ATRNL1: variants seen among roughly 807,000 people sequenced by gnomAD.
The protein encoded by ATRNL1 is attractin-like protein 1.
A neutral mutation model predicts 182.7 loss-of-function variants in ATRNL1; 95 were observed. The observed-to-expected ratio is 0.52, with a 90% CI of 0.44 to 0.62. ATRNL1 has a LOEUF of 0.62. Among genes scored for constraint, ATRNL1 ranks in the 20% least tolerant of loss-of-function variants. The pLI, the probability that ATRNL1 is intolerant of heterozygous loss-of-function variation, is 0.00. For synonymous variants in ATRNL1, 576 were observed against 568.3 expected, an observed-to-expected ratio of 1.01 and a Z score of -0.19; for missense variants, 1,471 against 1,679.5, an observed-to-expected ratio of 0.88 and a Z score of 2.17.
In ATRNL1 at chr10:115,139,336, T is replaced by A. The variant is rs1156738669; in HGVS notation, c.829+9801T>A. Among the ~76,000 whole-genome samples the A allele has an allele frequency of 3.3e-5, 5 of 152,154 alleles. No individual in the cohort carries two copies. The East Asian group carries it at 9.6e-4, about 29-fold the overall frequency. ...GCGCTCCACTCTACTGGTACCAATT[T>A]ACTGTATTAGTCTGTTTTCACACTG... On this transcript the variant is annotated intron_variant, in intron 5 of 28. Coordinates refer to ENST00000355044, the MANE Select transcript of ATRNL1 (RefSeq NM_207303.4).
chr10:115,689,928 G>A (rs1946336838), intron 26 of ATRNL1, among the ~76,000 whole-genome samples: 1 of 152,164 alleles, frequency 6.6e-6, no homozygotes, highest in African/African-American at 2.4e-5. Context: ...GCCTCCAGTG[G>A]CAGCAGCAAT....
In ATRNL1 at chr10:115,742,817, T is replaced by G. The variant is rs77462855; in HGVS notation, c.3903+15462T>G. ...GCATGCAAATCTTCTCATATCACCT[T>G]GCTCAGAATTCCCCAATGGCTTCTC... On this transcript the variant is annotated intron_variant, in intron 27 of 28. Coordinates refer to ENST00000355044, the MANE Select transcript of ATRNL1 (RefSeq NM_207303.4). 2.9e-3 allele frequency among the ~76,000 whole-genome samples: 445 copies of G among 152,220 alleles called. 2 individuals carry two copies. The highest frequency in any genetic ancestry group is 0.01 in the African/African-American group (418 of 41,560).
At chr10:115,852,091 T>G (rs781940908) in intron 28 of ATRNL1, among the ~76,000 whole-genome samples, 1 of 152,172 alleles carries the variant, frequency 6.6e-6, no homozygotes. Flanking sequence ...TTGTGGATTC[T>G]TCCTAATGAG....
At chr10:115,271,757 T>C (rs1329602299) in intron 13 of ATRNL1, among the ~76,000 whole-genome samples, 10 of 152,172 alleles carry the variant, frequency 6.6e-5, no homozygotes, top group Non-Finnish European at 1.3e-4. Context: ...TCTTGAAGGG[T>C]CATTCTTCAT....
At chr10:115,249,886 A>G (rs561512337) in intron 10 of ATRNL1, among the ~76,000 whole-genome samples, 1 of 152,362 alleles carries the variant, frequency 6.6e-6, no homozygotes, top group Non-Finnish European at 1.5e-5. Flanking sequence ...AATATAAATT[A>G]TAGTCAGACA....
At position 115,503,180 on chromosome 10, in the gene ATRNL1, AT is replaced by A. The variant is rs566579416; in HGVS notation, c.3655-16081del. On this transcript the variant is annotated intron_variant, in intron 24 of 28. Transcript: ENST00000355044. ...AGGATACACATATGTAATAACCTTAATTAAAAAAATTAATTTTAGTTATTTT... is the reference window on the plus strand; with the variant it reads ...AGGATACACATATGTAATAACCTTAATAAAAAAATTAATTTTAGTTATTTT... Among the ~76,000 whole-genome samples the A allele has an allele frequency of 2.2e-3, 332 of 152,286 alleles. 3 individuals carry two copies. The highest frequency in any genetic ancestry group is 3.3e-3 in the Non-Finnish European group (224 of 68,008).
chr10:115,651,833 T>A (rs962116742), intron 26 of ATRNL1, among the ~76,000 whole-genome samples: 3 of 152,278 alleles, frequency 2.0e-5, no homozygotes, highest in South Asian at 4.1e-4. Flanking sequence ...TGGTTAGTGA[T>A]GAATTCATCA....
chr10:115,823,807 G>A (rs1372453684), intron 27 of ATRNL1, among the ~76,000 whole-genome samples: 1 of 152,174 alleles, frequency 6.6e-6, no homozygotes, highest in Non-Finnish European at 1.5e-5. Flanking sequence ...AACATTCCAT[G>A]CTCATGGATA....
chr10:115,648,914 G>T (rs1859807011), intron 26 of ATRNL1, among the ~76,000 whole-genome samples: 2 of 152,128 alleles, frequency 1.3e-5, no homozygotes, highest in African/African-American at 2.4e-5. Context: ...TCATTGCAAT[G>T]CAGAGTATTT....
chr10:115,385,964 T>C (rs536474107), intron 19 of ATRNL1, among the ~76,000 whole-genome samples: 2 of 152,302 alleles, frequency 1.3e-5, no homozygotes, highest in Non-Finnish European at 2.9e-5. Context: ...ATTGCTATGG[T>C]TTTAAAGCAC....
intron 15 of ATRNL1, among the ~76,000 whole-genome samples, chr10:115,299,007 G>T (rs1215308127): frequency 6.6e-6 from 1 of 151,646 alleles, no homozygotes; most frequent in Non-Finnish European, 1.5e-5. Flanking sequence ...ATAAATACTG[G>T]ATATAAATAT....
intron 28 of ATRNL1, among the ~76,000 whole-genome samples, chr10:115,904,512 G>A (rs1555114149): frequency 6.6e-6 from 1 of 152,092 alleles, no homozygotes; most frequent in Admixed American, 6.5e-5. Context: ...TAGACAGTGT[G>A]GATTTCCCCC....
chr10:115,201,130 G>A (rs1198873611), intron 8 of ATRNL1, among the ~76,000 whole-genome samples: 2 of 143,678 alleles, frequency 1.4e-5, no homozygotes, highest in Admixed American at 7.0e-5. Flanking sequence ...CTGGATATTA[G>A]CCCTTTGTCA....
intron 26 of ATRNL1, among the ~76,000 whole-genome samples, chr10:115,701,204 A>G (rs1204767846): frequency 6.6e-6 from 1 of 152,062 alleles, no homozygotes; most frequent in African/African-American, 2.4e-5. Context: ...CCTTGAATTG[A>G]CTTTTGGATA....
At chr10:115,838,283 C>T (rs1339363630) in intron 27 of ATRNL1, among the ~76,000 whole-genome samples, 7 of 152,096 alleles carry the variant, frequency 4.6e-5, no homozygotes, top group South Asian at 2.1e-4. Context: ...CTTCAAGGGA[C>T]GTAAGAGGAT....
chr10:115,128,846 A>G (rs1465392835), intron 4 of ATRNL1, among the ~76,000 whole-genome samples: 1 of 147,044 alleles, frequency 6.8e-6, no homozygotes, highest in Non-Finnish European at 1.5e-5. Flanking sequence ...AAAAAAAAAG[A>G]GTCTTAAAGC....
Position 115,391,873 on chromosome 10 carries a change from A to G in ATRNL1, c.3176-2786A>G, listed in dbSNP as rs142419322. Among the ~76,000 whole-genome samples the G allele has an allele frequency of 1.2e-3, 190 of 152,114 alleles. 2 individuals carry two copies. In the East Asian group the frequency reaches 0.023, roughly 18 times the overall value. ...TCATTTTTGACTTAATTGTATTGTC[A>G]TCAGGACTCATTGTATGATACTATT... is the stretch of plus-strand genomic sequence containing the variant. On this transcript the variant is annotated intron_variant, in intron 19 of 28. Coordinates refer to ENST00000355044, the MANE Select transcript of ATRNL1 (RefSeq NM_207303.4).
At chr10:115,615,676 A>G (rs2133789911) in intron 26 of ATRNL1, among the ~76,000 whole-genome samples, 1 of 152,074 alleles carries the variant, frequency 6.6e-6, no homozygotes, top group Middle Eastern at 3.4e-3. Flanking sequence ...TACTCACGAG[A>G]TCTTGTCATT....
chr10:115,536,614 C>T (rs1465131026), intron 25 of ATRNL1, among the ~76,000 whole-genome samples: 3 of 152,192 alleles, frequency 2.0e-5, no homozygotes, highest in Non-Finnish European at 4.4e-5. Context: ...GTGCGCTGCA[C>T]CCACTGTCCT....
Sources: gnomAD v4.1 joint callset for allele counts (sites outside exome capture counted in the v4.1 genomes callset) on GRCh38, gnomAD v4.1.1 for gene constraint, MANE v1.5 for transcripts, NCBI Gene and HGNC (gene_info 2026-07-23, HGNC 2026-07-21) for gene names.